Variants in UNKL observed in about 807,000 individuals in gnomAD.
The protein encoded by UNKL is unk like zinc finger, also known as putative E3 ubiquitin-protein ligase UNKL.
Under a neutral mutation model 78.0 loss-of-function variants are expected in UNKL, and 60 were observed. The ratio of observed to expected loss-of-function variants is 0.77; its 90% confidence interval spans 0.63 to 0.95. The LOEUF is 0.95. Ranked by LOEUF, UNKL falls within the 40% of genes least tolerant of loss-of-function variation. The probability of loss-of-function intolerance (pLI) is 0.00; values close to 1 mark genes in which losing one functional copy is unlikely to be tolerated. For synonymous variants in UNKL, 608 were observed against 474.8 expected (o/e 1.28, Z -3.65); for missense variants, 1,159 against 1,045.7 (o/e 1.11, Z -1.49).
intron 2 of UNKL, among the ~76,000 whole-genome samples, chr16:1,409,794 T>A (rs1297275490): frequency 6.6e-6 from 1 of 151,972 alleles, no homozygotes; most frequent in Non-Finnish European, 1.5e-5. Flanking sequence ...AACAAAAACT[T>A]ATGAGGCCGG....
Position 1,394,353 on chromosome 16 carries a change from G to A in UNKL, c.853-138C>T, listed in dbSNP as rs1255459304. 6 of 1,020,278 alleles carry A rather than the reference G, an allele frequency of 5.9e-6. No individual in the cohort carries two copies. The East Asian group carries it at 1.3e-4, about 22-fold the overall frequency. The allele number at this position is 1,020,278 out of a possible 1,614,324, so 63.2% of individuals were successfully genotyped here. ...CCCTGAAAAGGGGGGCGTGGGCCCT[G>A]CCCTCCTCCACGTGTGCCCTTGGTC... On this transcript the variant is annotated intron_variant, in intron 6 of 14. Coordinates refer to ENST00000389221, the MANE Select transcript of UNKL (RefSeq NM_001372107.1).
chr16:1,390,633 T>G lies in UNKL; in HGVS notation c.1085A>C (p.Gln362Pro). 6.5e-7 allele frequency: 1 copy of G among 1,536,040 alleles called. No individual in the cohort carries two copies. The change falls in exon 9 of 15, where the codon CAG becomes CCG. Residue 362 changes from glutamine to proline, a missense_variant and splice_region_variant. Coordinates refer to ENST00000389221, the MANE Select transcript of UNKL (RefSeq NM_001372107.1). ...GPRGSEQDSK[Q>P]NHLAVFAAVH... is the part of the protein sequence containing the mutation. Reference sequence around the variant, plus strand: ...GTGGGAAACCTTGGGGGCCTGTACCTGCTTGCTGTCTTGCTCGCTGCCCCT... The same window carrying G: ...GTGGGAAACCTTGGGGGCCTGTACCGGCTTGCTGTCTTGCTCGCTGCCCCT...
intron 10 of UNKL, chr16:1,379,796 G>A (rs1040999470): frequency 1.1e-5 from 8 of 758,582 alleles, no homozygotes; most frequent in Non-Finnish European, 1.1e-5. Flanking sequence ...CCTTCCCCCC[G>A]ACTCGGGCGC....
chr16:1,398,972 A>C, intron 5 of UNKL: 1 of 1,507,120 alleles, frequency 6.6e-7, no homozygotes, highest in Non-Finnish European at 8.9e-7. Flanking sequence ...CCAGGTGACG[A>C]CAGTGCCTGA....
Position 1,394,121 on chromosome 16 carries a change from G to C in UNKL, c.937+10C>G, listed in dbSNP as rs1002006502. 2 of 1,549,554 alleles carry C rather than the reference G, an allele frequency of 1.3e-6. No individual in the cohort carries two copies. The highest frequency in any genetic ancestry group is 3.9e-5 in the Admixed American group (2 of 50,992). ...GCTAAGGTGAACCTGCCACAGGGAC[G>C]GTTACTCACTCTCAACGTGTGCAAA... On this transcript the variant is annotated intron_variant, in intron 7 of 14. Coordinates refer to ENST00000389221, the MANE Select transcript of UNKL (RefSeq NM_001372107.1).
intron 9 of UNKL, among the ~76,000 whole-genome samples, chr16:1,385,966 T>C (rs2036797046): frequency 1.3e-5 from 2 of 152,182 alleles, no homozygotes; most frequent in Admixed American, 1.3e-4. Flanking sequence ...TGGTGGATAA[T>C]AGATCAAAAG....
intron 12 of UNKL, 55 bp downstream of exon 12, chr16:1,370,075 G>C: frequency 6.5e-7 from 1 of 1,548,220 alleles, no homozygotes; most frequent in Non-Finnish European, 8.7e-7. Context: ...GCATCTGGGA[G>C]GGAGCCCCAC....
intron 6 of UNKL, among the ~76,000 whole-genome samples, chr16:1,395,409 G>T (rs1029301642): frequency 1.3e-5 from 2 of 151,772 alleles, no homozygotes; most frequent in African/African-American, 4.8e-5. Flanking sequence ...CAGGTGATCT[G>T]CCTGCCTCGG....
In UNKL at chr16:1,399,616, C is replaced by T; in HGVS notation, c.599-107G>A. On this transcript the variant is annotated intron_variant, in intron 4 of 14. Transcript: ENST00000389221. The surrounding 1 kb of genome is among the most constrained non-coding windows in gnomAD (Gnocchi z 5.8). The stretch of plus-strand genomic sequence containing the variant: ...GCTGTCCCCCAAATGGAAGGGGCTG[C>T]AGGAGGACTTGGGGAGCGCAGACAC... 9.3e-6 allele frequency: 14 copies of T among 1,502,582 alleles called. No homozygotes were observed. The highest frequency in any genetic ancestry group is 1.2e-5 in the Non-Finnish European group (14 of 1,120,560). 93.1% of individuals were successfully genotyped at this position (1,502,582 alleles called of 1,614,324 possible).
At chr16:1,376,631 C>A (rs751163893) in intron 10 of UNKL, among the ~76,000 whole-genome samples, 1 of 152,106 alleles carries the variant, frequency 6.6e-6, no homozygotes, top group Non-Finnish European at 1.5e-5. Context: ...CCCACCCTAC[C>A]GGCCTCATTT....
At chr16:1,372,514 C>T (rs1323564127) in intron 10 of UNKL, among the ~76,000 whole-genome samples, 1 of 152,062 alleles carries the variant, frequency 6.6e-6, no homozygotes, top group Non-Finnish European at 1.5e-5. Flanking sequence ...CCACCCCCAA[C>T]CCCGAATGGC....
In UNKL at chr16:1,403,062, AGAGCCTGCAGCAGCAGGGAGGC is replaced by A. The variant is rs1705006547; in HGVS notation, c.464+84_464+105del. ...CTGGAGGAGAGAGATTTGGGCCAGC[AGAGCCTGCAGCAGCAGGGAGGC>A]GAGCCACTTGCCGAGTTCCTGCTCA... On this transcript the variant is annotated intron_variant, in intron 3 of 14. Transcript: ENST00000389221. The surrounding 1 kb of genome is among the most constrained non-coding windows in gnomAD (Gnocchi z 4.8). 3 of 1,328,352 alleles carry A rather than the reference AGAGCCTGCAGCAGCAGGGAGGC, an allele frequency of 2.3e-6. No homozygotes were observed. In the Admixed American group the frequency reaches 8.0e-5, roughly 35 times the overall value. The allele number at this position is 1,328,352 out of a possible 1,614,324, so 82.3% of individuals were successfully genotyped here.
At position 1,363,487 on chromosome 16, in the gene UNKL, C is replaced by T. The variant is rs770118467; in HGVS notation, c.*2753G>A. On this transcript the variant is annotated 3_prime_UTR_variant, in exon 15 of 15. Transcript: ENST00000389221. ...GTCTGCTGACCACAGTTACACACGT[C>T]GTGACACCACTGTATCACGGCGAAT... 44 of 313,476 alleles carry T rather than the reference C, an allele frequency of 1.4e-4. No individual in the cohort carries two copies. Among genetic ancestry groups the T allele is most frequent in the Non-Finnish European group, 1.1e-4 (17 of 160,692 alleles). The allele number at this position is 313,476 out of a possible 1,614,324, so 19.4% of individuals were successfully genotyped here. A position where few individuals can be genotyped will look rare whatever the true frequency, so the allele number is the denominator to read the frequency against.
intron 11 of UNKL, among the ~76,000 whole-genome samples, chr16:1,370,966 C>G (rs1040951376): frequency 2.7e-5 from 4 of 150,858 alleles, no homozygotes; most frequent in Non-Finnish European, 5.9e-5. Context: ...ACCTGTAGTC[C>G]CAGCTACTCC....
chr16:1,411,565 G>A (rs1296332281), intron 2 of UNKL, among the ~76,000 whole-genome samples: 1 of 152,008 alleles, frequency 6.6e-6, no homozygotes, highest in Non-Finnish European at 1.5e-5. Context: ...GGTGGCTCAT[G>A]CCTGTAATCC....
In UNKL at chr16:1,367,755, T is replaced by C. The variant is rs147918850; in HGVS notation, c.1689A>G (p.Ala563=). 16 of 1,575,150 alleles carry C rather than the reference T, an allele frequency of 1.0e-5. No homozygotes were observed. In the African/African-American group the frequency reaches 2.0e-4, roughly 20 times the overall value. ...LSAGPPSSSS[A]SPNGAELARV... is the part of the protein sequence containing the mutation. The stretch of plus-strand genomic sequence containing the variant: ...GGGCCAGCTCAGCTCCGTTTGGACT[T>C]GCACTCGAAGAGGATGGGGGGCCGG... The change falls in exon 13 of 15, where the codon GCA becomes GCG. Residue 563 remains alanine, a synonymous_variant. Coordinates refer to ENST00000389221, the MANE Select transcript of UNKL (RefSeq NM_001372107.1).
In UNKL at chr16:1,387,114, A is replaced by G. The variant is rs115865899; in HGVS notation, c.1087-1729T>C. ...GCACCGGGGACCCTCCCAGCAATGCAGCACCGGGGACCCTCCCAGCCATGC... is the reference window on the plus strand; with the variant it reads ...GCACCGGGGACCCTCCCAGCAATGCGGCACCGGGGACCCTCCCAGCCATGC... On this transcript the variant is annotated intron_variant, in intron 9 of 14. Transcript: ENST00000389221. This position sits in a 1 kb window ranked among gnomAD's most constrained non-coding sequence, Gnocchi z 4.1. 0.075 allele frequency among the ~76,000 whole-genome samples: 11,332 copies of G among 151,030 alleles called. 447 individuals carry two copies. The highest frequency in any genetic ancestry group is 0.1 in the Middle Eastern group (30 of 292).
intron 2 of UNKL, 59 bp downstream of exon 2, chr16:1,413,786 TC>T: frequency 6.8e-7 from 1 of 1,462,392 alleles, no homozygotes; most frequent in Non-Finnish European, 9.1e-7. Context: ...CCCGGCCGCA[TC>T]CCCGGGTGGA....
chr16:1,367,561 T>A, intron 13 of UNKL, 95 bp downstream of exon 13: 1 of 298,312 alleles, frequency 3.4e-6, no homozygotes, highest in Admixed American at 5.3e-5. Context: ...CCTGCGGCCC[T>A]CCCTCCCTCC....
Sources: gnomAD v4.1 joint callset for allele counts (sites outside exome capture counted in the v4.1 genomes callset) on GRCh38, gnomAD v4.1.1 for gene constraint, Gnocchi (gnomAD v3.1) non-coding constraint, MANE v1.5 for transcripts, NCBI Gene and HGNC (gene_info 2026-07-23, HGNC 2026-07-21) for gene names.